The following FER variants were observed in gnomAD, a reference collection of about 807,000 sequenced individuals.
The protein encoded by FER is FER tyrosine kinase, also known as tyrosine-protein kinase Fer.
In FER, 63 loss-of-function variants were observed where a neutral mutation model predicts 111.0. That is an observed-to-expected ratio of 0.57 (90% CI 0.46 to 0.70). FER has a LOEUF of 0.70. Ranked by LOEUF, FER falls within the 30% of genes least tolerant of loss-of-function variation. FER has a pLI of 0.00. For synonymous variants in FER, 327 were observed against 313.9 expected (o/e 1.04, Z -0.44); for missense variants, 914 against 954.0 (o/e 0.96, Z 0.55).
Position 108,995,254 on chromosome 5 carries a change from A to G in FER, c.1656+35907A>G, listed in dbSNP as rs145727512. 4.7e-3 allele frequency among the ~76,000 whole-genome samples: 714 copies of G among 152,076 alleles called. 4 individuals are homozygous for G. The highest frequency in any genetic ancestry group is 0.016 in the African/African-American group (678 of 41,484). On this transcript the variant is annotated intron_variant, in intron 13 of 19. Coordinates refer to ENST00000281092, the MANE Select transcript of FER (RefSeq NM_005246.4). ...GGTATTGACTGTTGTTTTGTCATAA[A>G]TGGCTTTTCTTTTCTTTTTTTAATT...
chr5:109,045,662 A>G (rs555055785), intron 15 of FER, among the ~76,000 whole-genome samples: 2 of 152,266 alleles, frequency 1.3e-5, no homozygotes, highest in East Asian at 3.9e-4. Flanking sequence ...TTAAACGTCA[A>G]CTCTTAATGA....
At chr5:108,994,847 T>C (rs1478929544) in intron 13 of FER, among the ~76,000 whole-genome samples, 6 of 152,214 alleles carry the variant, frequency 3.9e-5, no homozygotes, top group African/African-American at 1.2e-4. Flanking sequence ...GCTGTATGCC[T>C]AGGTATTTTA....
At chr5:109,165,596 G>T (rs2126766813) in intron 17 of FER, among the ~76,000 whole-genome samples, 1 of 47,330 alleles carries the variant, frequency 2.1e-5, no homozygotes, top group Middle Eastern at 0.015. Context: ...GGGAACTGGT[G>T]TGTGTGTGTG....
At chr5:109,057,062 A>G (rs541144003) in intron 16 of FER, among the ~76,000 whole-genome samples, 52 of 152,148 alleles carry the variant, frequency 3.4e-4, no homozygotes, top group Admixed American at 4.6e-4. Context: ...TGATCCATGG[A>G]CATAGTATAT....
chr5:109,138,414 G>A (rs1250971537), intron 17 of FER, among the ~76,000 whole-genome samples: 1 of 152,060 alleles, frequency 6.6e-6, no homozygotes, highest in Non-Finnish European at 1.5e-5. Context: ...CATGGGTGGT[G>A]ATATGTGTGT....
chr5:108,761,953 C>G (rs894062868), intron 1 of FER, among the ~76,000 whole-genome samples: 24 of 152,080 alleles, frequency 1.6e-4, no homozygotes, highest in African/African-American at 5.8e-4. Context: ...CTTTGCCACC[C>G]AGGCTGGAGT....
chr5:108,801,041 T>C (rs1305025967), intron 3 of FER, among the ~76,000 whole-genome samples: 1 of 152,164 alleles, frequency 6.6e-6, no homozygotes, highest in Non-Finnish European at 1.5e-5. Context: ...AGCAAGACTC[T>C]GTCTCACAAA....
intron 5 of FER, among the ~76,000 whole-genome samples, chr5:108,857,822 A>C (rs573359243): frequency 6.6e-6 from 1 of 152,158 alleles, no homozygotes; most frequent in Non-Finnish European, 1.5e-5. Flanking sequence ...ATGATATACT[A>C]TCATGCTCGG....
chr5:108,992,451 G>A (rs568845160), intron 13 of FER, among the ~76,000 whole-genome samples: 1,657 of 152,062 alleles, frequency 0.011, 34 homozygotes, highest in African/African-American at 0.037. Flanking sequence ...AGTAGGGGCG[G>A]CAGGGCAGAG....
At chr5:109,051,352 C>G in intron 16 of FER, 1 of 1,609,556 alleles carries the variant, frequency 6.2e-7, no homozygotes. Flanking sequence ...GCTGCTGGCA[C>G]GACTGCTGGC....
intron 2 of FER, among the ~76,000 whole-genome samples, chr5:108,781,862 T>C (rs1754122498): frequency 6.6e-6 from 1 of 152,132 alleles, no homozygotes; most frequent in African/African-American, 2.4e-5. Context: ...AAGAACAGAA[T>C]GTTCTAGCTT....
At chr5:108,990,056 G>A (rs988640590) in intron 13 of FER, among the ~76,000 whole-genome samples, 5 of 151,544 alleles carry the variant, frequency 3.3e-5, no homozygotes, top group Non-Finnish European at 7.4e-5. Flanking sequence ...AGGTGATTTG[G>A]GACATGTGAC....
At chr5:109,140,672 G>T (rs1458153010) in intron 17 of FER, among the ~76,000 whole-genome samples, 1 of 152,086 alleles carries the variant, frequency 6.6e-6, no homozygotes, top group Non-Finnish European at 1.5e-5. Flanking sequence ...TTTTCCTTTG[G>T]TAATGCTGCT....
intron 18 of FER, among the ~76,000 whole-genome samples, chr5:109,181,790 G>C (rs1347898205): frequency 6.6e-6 from 1 of 152,082 alleles, no homozygotes; most frequent in African/African-American, 2.4e-5. Context: ...ACTTTAAAGT[G>C]AACAATCATT....
chr5:109,092,284 C>CAAAAAAAAA (rs70999914), intron 16 of FER, among the ~76,000 whole-genome samples: 4 of 40,422 alleles, frequency 9.9e-5, no homozygotes, highest in Non-Finnish European at 1.4e-4. Context: ...CTTATGATGG[C>CAAAAAAAAA]AAAAAAAAAA....
At chr5:109,104,997 C>G (rs1397456090) in intron 17 of FER, among the ~76,000 whole-genome samples, 1 of 152,120 alleles carries the variant, frequency 6.6e-6, no homozygotes, top group Non-Finnish European at 1.5e-5. Flanking sequence ...CCTGCCTTGG[C>G]CTCCCAAAGT....
intron 3 of FER, among the ~76,000 whole-genome samples, chr5:108,821,639 T>C (rs1758855835): frequency 6.6e-6 from 1 of 151,948 alleles, no homozygotes; most frequent in South Asian, 2.1e-4. Flanking sequence ...TTTGAATACT[T>C]TCCTTGTCTC....
intron 15 of FER, among the ~76,000 whole-genome samples, chr5:109,045,096 A>T (rs533959438): frequency 3.9e-5 from 6 of 152,078 alleles, no homozygotes; most frequent in African/African-American, 1.4e-4. Context: ...TAAAAATATT[A>T]ATGTATTATA....
At chr5:108,781,355 CTAAT>C (rs1754056181) in intron 2 of FER, among the ~76,000 whole-genome samples, 2 of 152,112 alleles carry the variant, frequency 1.3e-5, no homozygotes, top group Non-Finnish European at 2.9e-5. Flanking sequence ...CCACACCTGG[CTAAT>C]TTTTGTGTTT....
Sources: allele counts gnomAD v4.1 joint callset (sites outside exome capture counted in the v4.1 genomes callset), GRCh38; gene constraint gnomAD v4.1.1; transcripts MANE v1.5; gene names NCBI Gene and HGNC (gene_info 2026-07-23, HGNC 2026-07-21).